The following TNKS variants were observed in gnomAD, a reference collection of about 807,000 sequenced individuals.
The protein encoded by TNKS is tankyrase.
Under a neutral mutation model 135.8 loss-of-function variants are expected in TNKS, and 72 were observed. The ratio of observed to expected loss-of-function variants is 0.53; its 90% CI spans 0.44 to 0.64. The LOEUF (loss-of-function observed/expected upper bound fraction) is 0.64. Ranked by LOEUF, TNKS falls within the 30% of genes least tolerant of loss-of-function variation. The probability of loss-of-function intolerance (pLI) is 0.00; values close to 1 mark genes in which losing one functional copy is unlikely to be tolerated. For missense variants in TNKS, 1,769 were observed against 1,674.0 expected, an observed-to-expected ratio of 1.06 and a Z score of -0.99; for synonymous variants, 849 against 649.3, an observed-to-expected ratio of 1.31 and a Z score of -4.68.
intron 1 of TNKS, among the ~76,000 whole-genome samples, chr8:9,560,894 A>G (rs1055005900): frequency 6.6e-6 from 1 of 152,166 alleles, no homozygotes; most frequent in African/African-American, 2.4e-5. Context: ...TTAGTTAGAA[A>G]GATGTGCAAA....
At chr8:9,750,991 C>G (rs1806495038) in intron 18 of TNKS, among the ~76,000 whole-genome samples, 1 of 152,180 alleles carries the variant, frequency 6.6e-6, no homozygotes, top group Non-Finnish European at 1.5e-5. Flanking sequence ...AAGCCTGGCT[C>G]AAAAGCCTCA....
intron 1 of TNKS, among the ~76,000 whole-genome samples, chr8:9,571,108 T>G (rs1797740112): frequency 6.6e-6 from 1 of 152,230 alleles, no homozygotes; most frequent in South Asian, 2.1e-4. Context: ...ATGTTTAACC[T>G]TTTCCTCCCT....
intron 3 of TNKS, among the ~76,000 whole-genome samples, chr8:9,638,931 G>C (rs940933904): frequency 2.0e-5 from 3 of 152,096 alleles, no homozygotes; most frequent in Non-Finnish European, 4.4e-5. Flanking sequence ...ATGATTCCAA[G>C]AACTTTCTAT....
intron 12 of TNKS, among the ~76,000 whole-genome samples, chr8:9,722,867 T>G (rs974301235): frequency 6.6e-6 from 1 of 152,134 alleles, no homozygotes; most frequent in Non-Finnish European, 1.5e-5. Context: ...ATTGAATAAA[T>G]CAAGCATATC....
chr8:9,638,058 T>G (rs996047734), intron 3 of TNKS, among the ~76,000 whole-genome samples: 3 of 152,174 alleles, frequency 2.0e-5, no homozygotes, highest in African/African-American at 4.8e-5. Flanking sequence ...AGCCTCAAAC[T>G]TCTGGGCCCA....
intron 3 of TNKS, among the ~76,000 whole-genome samples, chr8:9,658,086 G>A (rs1801503615): frequency 3.3e-5 from 3 of 91,636 alleles, no homozygotes; most frequent in South Asian, 9.6e-4. Flanking sequence ...ATGTGATGGC[G>A]GCTGGGAAGA....
chr8:9,568,559 A>T (rs1055228037), intron 1 of TNKS, among the ~76,000 whole-genome samples: 4 of 152,244 alleles, frequency 2.6e-5, no homozygotes, highest in African/African-American at 9.6e-5. Flanking sequence ...TGTAAACAAC[A>T]TTCTTAATGA....
At chr8:9,705,303 G>A (rs555356817) in intron 6 of TNKS, among the ~76,000 whole-genome samples, 5 of 152,250 alleles carry the variant, frequency 3.3e-5, no homozygotes, top group South Asian at 2.1e-4. Context: ...TCAGTTTCCT[G>A]TAAAGTCTCC....
chr8:9,598,042 G>A (rs1798860889), intron 2 of TNKS, among the ~76,000 whole-genome samples: 1 of 152,104 alleles, frequency 6.6e-6, no homozygotes, highest in Non-Finnish European at 1.5e-5. Context: ...TAGATTGAAA[G>A]TACAGCAGAA....
intron 3 of TNKS, among the ~76,000 whole-genome samples, chr8:9,641,031 G>T (rs1211714599): frequency 6.9e-6 from 1 of 145,774 alleles, no homozygotes; most frequent in Non-Finnish European, 1.5e-5. Context: ...CGCTTTAATA[G>T]ATTATTTCTA....
chr8:9,578,576 C>T (rs781051245), intron 1 of TNKS, among the ~76,000 whole-genome samples: 18 of 152,150 alleles, frequency 1.2e-4, no homozygotes, highest in Non-Finnish European at 2.2e-4. Flanking sequence ...TTTCTTAGAG[C>T]CTGCTTTTCT....
intron 3 of TNKS, among the ~76,000 whole-genome samples, chr8:9,665,119 A>C (rs895474009): frequency 7.2e-5 from 11 of 152,176 alleles, no homozygotes; most frequent in Non-Finnish European, 1.5e-4. Flanking sequence ...ACTCTAGACT[A>C]AGTTTTCCTC....
At chr8:9,643,093 C>G (rs1178826987) in intron 3 of TNKS, among the ~76,000 whole-genome samples, 1 of 145,854 alleles carries the variant, frequency 6.9e-6, no homozygotes, top group South Asian at 2.2e-4. Context: ...TTTATAAAAG[C>G]TTGAGAAGTC....
At chr8:9,573,870 C>G (rs1797849634) in intron 1 of TNKS, among the ~76,000 whole-genome samples, 1 of 152,064 alleles carries the variant, frequency 6.6e-6, no homozygotes, top group Non-Finnish European at 1.5e-5. Flanking sequence ...AGATTTTTCT[C>G]TTTTATTAAA....
At chr8:9,658,850 C>T (rs1031430908) in intron 3 of TNKS, among the ~76,000 whole-genome samples, 2 of 152,158 alleles carry the variant, frequency 1.3e-5, no homozygotes, top group Admixed American at 6.5e-5. Context: ...ATCTCATGTG[C>T]AGAGGCACAC....
intron 2 of TNKS, among the ~76,000 whole-genome samples, chr8:9,585,870 A>T (rs930735245): frequency 1.3e-5 from 2 of 152,224 alleles, no homozygotes; most frequent in African/African-American, 4.8e-5. Context: ...GACTTAAAAA[A>T]AATAACTGTT....
chr8:9,710,942 C>A (rs1200451181), intron 11 of TNKS, among the ~76,000 whole-genome samples: 1 of 152,040 alleles, frequency 6.6e-6, no homozygotes, highest in African/African-American at 2.4e-5. Context: ...TTTTCTCAAC[C>A]TCTACACTAA....
intron 17 of TNKS, among the ~76,000 whole-genome samples, chr8:9,746,691 C>T (rs558082433): frequency 6.6e-6 from 1 of 152,140 alleles, no homozygotes; most frequent in Admixed American, 6.5e-5. Flanking sequence ...AGTCCTCAGC[C>T]CTCCATAGGT....
intron 3 of TNKS, among the ~76,000 whole-genome samples, chr8:9,644,731 A>G (rs940942049): frequency 2.0e-5 from 3 of 152,178 alleles, no homozygotes; most frequent in Non-Finnish European, 2.9e-5. Context: ...ATATGAAATT[A>G]TATACAGACA....
Sources: gnomAD v4.1 joint callset for allele counts (sites outside exome capture counted in the v4.1 genomes callset) on GRCh38, gnomAD v4.1.1 for gene constraint, MANE v1.5 for transcripts, NCBI Gene and HGNC (gene_info 2026-07-23, HGNC 2026-07-21) for gene names.